Variants in SBF2 observed in about 807,000 individuals in gnomAD.
The protein encoded by SBF2 is SET binding factor 2, also known as myotubularin-related protein 13.
SBF2 carries 112 observed loss-of-function variants against 225.2 expected under a neutral mutation model. The ratio of observed to expected loss-of-function variants is 0.50; its 90% CI spans 0.43 to 0.58. The LOEUF is 0.58. SBF2 is among the 20% of genes least tolerant of loss of function. The pLI is 0.00. For missense variants in SBF2, 1,996 were observed against 2,206.2 expected (o/e 0.90, Z 1.91); for synonymous variants, 763 against 773.3 (o/e 0.99, Z 0.22).
chr11:9,882,617 G>A (rs1244296510), intron 17 of SBF2, among the ~76,000 whole-genome samples: 1 of 151,894 alleles, frequency 6.6e-6, no homozygotes, highest in Non-Finnish European at 1.5e-5. Context: ...GACCATCCTG[G>A]CTAACACGGT....
intron 1 of SBF2, among the ~76,000 whole-genome samples, chr11:10,250,366 A>G (rs1960227665): frequency 6.6e-6 from 1 of 152,238 alleles, no homozygotes; most frequent in South Asian, 2.1e-4. Context: ...ATGGACTCAG[A>G]ACCAGGACAG....
intron 2 of SBF2, among the ~76,000 whole-genome samples, chr11:10,065,549 A>G (rs1950596243): frequency 6.6e-6 from 1 of 152,226 alleles, no homozygotes; most frequent in South Asian, 2.1e-4. Flanking sequence ...GAATAAGATG[A>G]TATCACTAGA....
At chr11:9,955,622 T>C (rs1866111522) in intron 16 of SBF2, among the ~76,000 whole-genome samples, 1 of 152,100 alleles carries the variant, frequency 6.6e-6, no homozygotes, top group Non-Finnish European at 1.5e-5. Flanking sequence ...AATTAACTTA[T>C]ACAATCTACA....
chr11:10,189,540 T>G (rs1957074904), intron 2 of SBF2, among the ~76,000 whole-genome samples: 1 of 152,206 alleles, frequency 6.6e-6, no homozygotes, highest in Non-Finnish European at 1.5e-5. Context: ...CTGCACAATG[T>G]GGAATACAAG....
In SBF2 at chr11:9,845,596, G is replaced by C. The variant is rs1856487212; in HGVS notation, c.3079C>G (p.Pro1027Ala). The change falls in exon 24 of 40, where the codon CCA becomes GCA. Residue 1027 changes from proline (P) to alanine (A), a missense_variant. Physicochemically the swap from Pro to Ala is conservative, Grantham distance 27 (BLOSUM62 -1). Transcript: ENST00000256190. ...AGQTTPQIILPKQKEKNTSFR... is the reference protein window; with the variant it reads ...AGQTTPQIILAKQKEKNTSFR... ...GAAGTGTTCTTTTCCTTCTGTTTTG[G>C]TAAAATTATTTGTGGGGTAGTTTGT... is the stretch of plus-strand genomic sequence containing the variant. The C allele has an allele frequency of 1.2e-6, 2 of 1,613,846 alleles. No individual in the cohort carries two copies. Among genetic ancestry groups the C allele is most frequent in the Middle Eastern group, 1.7e-4 (1 of 6,060 alleles).
chr11:9,991,664 G>T (rs2134467048), intron 12 of SBF2, among the ~76,000 whole-genome samples: 1 of 152,242 alleles, frequency 6.6e-6, no homozygotes, highest in East Asian at 1.9e-4. Context: ...TAAAAGGAAA[G>T]ATGCTTTTAA....
intron 13 of SBF2, among the ~76,000 whole-genome samples, chr11:9,973,105 G>A (rs1590649067): frequency 6.6e-6 from 1 of 152,186 alleles, no homozygotes; most frequent in Admixed American, 6.5e-5. Flanking sequence ...AAATGTAAAG[G>A]ACCACATTTG....
At chr11:10,072,774 C>G (rs1950941247) in intron 2 of SBF2, among the ~76,000 whole-genome samples, 1 of 148,108 alleles carries the variant, frequency 6.8e-6, no homozygotes, top group African/African-American at 2.5e-5. Flanking sequence ...TTCTGTTGCC[C>G]AGGCTGGAGT....
intron 2 of SBF2, among the ~76,000 whole-genome samples, chr11:10,124,303 T>C (rs1953632430): frequency 6.6e-6 from 1 of 152,194 alleles, no homozygotes; most frequent in African/African-American, 2.4e-5. Flanking sequence ...TCCAATGGCA[T>C]ACTAGAAAAC....
chr11:10,077,601 T>C (rs1291988696), intron 2 of SBF2, among the ~76,000 whole-genome samples: 1 of 152,222 alleles, frequency 6.6e-6, no homozygotes, highest in Non-Finnish European at 1.5e-5. Context: ...AAGCTGAAAC[T>C]GGATCCCTTC....
At chr11:10,214,627 A>G (rs943429382) in intron 1 of SBF2, among the ~76,000 whole-genome samples, 1 of 152,216 alleles carries the variant, frequency 6.6e-6, no homozygotes, top group African/African-American at 2.4e-5. Flanking sequence ...TGTCTAAAAA[A>G]TACAAAAAAC....
intron 1 of SBF2, among the ~76,000 whole-genome samples, chr11:10,232,565 T>G (rs975759976): frequency 1.3e-5 from 2 of 151,594 alleles, no homozygotes; most frequent in African/African-American, 4.8e-5. Context: ...GTCTTAATTT[T>G]TTTTTTTTTT....
chr11:10,162,889 G>C (rs761725290), intron 2 of SBF2, among the ~76,000 whole-genome samples: 2 of 152,132 alleles, frequency 1.3e-5, no homozygotes, highest in Non-Finnish European at 2.9e-5. Context: ...GCATTCCTCA[G>C]ACTGTCCCTT....
At chr11:10,304,339 A>T (rs1964628129) in intron 1 of SBF2, among the ~76,000 whole-genome samples, 1 of 152,242 alleles carries the variant, frequency 6.6e-6, no homozygotes, top group Non-Finnish European at 1.5e-5. Flanking sequence ...GATTACAAGG[A>T]GGCAAAATGA....
intron 2 of SBF2, among the ~76,000 whole-genome samples, chr11:10,088,842 A>C (rs1951675132): frequency 6.6e-6 from 1 of 152,248 alleles, no homozygotes; most frequent in South Asian, 2.1e-4. Flanking sequence ...AATAATGAGA[A>C]ACACCAAAAA....
intron 33 of SBF2, among the ~76,000 whole-genome samples, chr11:9,794,732 C>CAAAAAAAAAAA (rs1853009089): frequency 7.5e-6 from 1 of 132,628 alleles, no homozygotes; most frequent in African/African-American, 2.8e-5. Context: ...CAGTTGTAAC[C>CAAAAAAAAAAA]AGTTATACTT....
intron 17 of SBF2, among the ~76,000 whole-genome samples, chr11:9,868,221 G>C (rs113448781): frequency 6.6e-6 from 1 of 151,606 alleles, no homozygotes; most frequent in African/African-American, 2.4e-5. Context: ...TTGTTGGGGC[G>C]CAGTGGCTCA....
chr11:9,837,469 A>G (rs986723261), intron 26 of SBF2, among the ~76,000 whole-genome samples: 1 of 152,244 alleles, frequency 6.6e-6, no homozygotes, highest in Non-Finnish European at 1.5e-5. Context: ...AATTCTGTTA[A>G]TGTGGTAAAT....
intron 2 of SBF2, among the ~76,000 whole-genome samples, chr11:10,146,587 A>T (rs1301823832): frequency 6.6e-6 from 1 of 152,150 alleles, no homozygotes; most frequent in Admixed American, 6.5e-5. Flanking sequence ...ATAGAATAAA[A>T]ACTTAAATGT....
Sources: gnomAD v4.1 joint callset for allele counts (sites outside exome capture counted in the v4.1 genomes callset) on GRCh38, gnomAD v4.1.1 for gene constraint, MANE v1.5 for transcripts, NCBI Gene and HGNC (gene_info 2026-07-23, HGNC 2026-07-21) for gene names.